Variants in RAP1GAP2 observed in about 807,000 individuals in gnomAD.
The protein encoded by RAP1GAP2 is rap1 GTPase-activating protein 2.
In RAP1GAP2, 27 loss-of-function variants were observed where a neutral mutation model predicts 95.0. That is an observed-to-expected ratio of 0.28 (90% CI 0.21 to 0.39). The LOEUF (loss-of-function observed/expected upper bound fraction) is 0.39, where lower values mean the gene tolerates loss of function less well. Among genes scored for constraint, RAP1GAP2 ranks in the 10% least tolerant of loss-of-function variants. The pLI, the probability that RAP1GAP2 is intolerant of heterozygous loss-of-function variation, is 1.00. For synonymous variants in RAP1GAP2, 373 were observed against 380.9 expected (o/e 0.98, Z 0.24); for missense variants, 771 against 970.0 (o/e 0.79, Z 2.72).
At chr17:3,022,267 CAG>C (rs2046985633) in intron 19 of RAP1GAP2, among the ~76,000 whole-genome samples, 1 of 152,136 alleles carries the variant, frequency 6.6e-6, no homozygotes, top group Non-Finnish European at 1.5e-5. Flanking sequence ...CAAATAATAA[CAG>C]ATGTCAGGAT....
chr17:2,999,149 G>A (rs2046069460), intron 14 of RAP1GAP2, among the ~76,000 whole-genome samples: 1 of 152,194 alleles, frequency 6.6e-6, no homozygotes, highest in South Asian at 2.1e-4. Flanking sequence ...AGATGACAGC[G>A]AGACAGGGCA....
chr17:2,889,885 A>ATT lies in RAP1GAP2; in HGVS notation c.81-15398_81-15397insTT, dbSNP rs1356255749. Reference sequence around the variant, plus strand: ...TGTGTATATATATATATATATATATATATATTTTTTTTTTTTTTTGTAGAG... The same window carrying ATT: ...TGTGTATATATATATATATATATATATTTATATTTTTTTTTTTTTTTGTAGAG... On this transcript the variant is annotated intron_variant, in intron 2 of 24. Transcript: ENST00000254695. 4.0e-4 allele frequency among the ~76,000 whole-genome samples: 18 copies of ATT among 44,860 alleles called. 1 individual carries two copies. Among genetic ancestry groups the ATT allele is most frequent in the Middle Eastern group, 0.011 (1 of 92 alleles). The allele number at this position is 44,860 out of a possible 152,430, so 29.4% of individuals were successfully genotyped here. A position where few individuals can be genotyped will look rare whatever the true frequency, so the allele number is the denominator to read the frequency against.
At chr17:2,836,115 G>C (rs1042947421) in intron 2 of RAP1GAP2, among the ~76,000 whole-genome samples, 1 of 152,102 alleles carries the variant, frequency 6.6e-6, no homozygotes, top group African/African-American at 2.4e-5. Context: ...TCGCCTTCGG[G>C]GGGTGCTCCC....
intron 2 of RAP1GAP2, among the ~76,000 whole-genome samples, chr17:2,860,500 T>G (rs2072333565): frequency 6.6e-6 from 1 of 151,874 alleles, no homozygotes; most frequent in African/African-American, 2.4e-5. Flanking sequence ...CCTCTCTCCT[T>G]ATGGTGGCCA....
At chr17:2,980,483 T>C in intron 9 of RAP1GAP2, 118 bp downstream of exon 9, 1 of 1,023,934 alleles carries the variant, frequency 9.8e-7, no homozygotes, top group Non-Finnish European at 1.5e-6. Context: ...GGAGGCCACT[T>C]TACTCTTTGG....
intron 1 of RAP1GAP2, among the ~76,000 whole-genome samples, chr17:2,761,384 G>A (rs543167248): frequency 3.4e-4 from 52 of 151,460 alleles, no homozygotes; most frequent in Non-Finnish European, 6.5e-4. Context: ...CGTCCCCCGG[G>A]TTCAAGCGAT....
chr17:2,782,010 G>A (rs1280619707), intron 1 of RAP1GAP2, among the ~76,000 whole-genome samples: 2 of 152,218 alleles, frequency 1.3e-5, no homozygotes, highest in Admixed American at 6.5e-5. Context: ...ACTTTCTCTG[G>A]ATATGTGTGC....
At chr17:2,983,304 G>A (rs1056831481) in intron 10 of RAP1GAP2, among the ~76,000 whole-genome samples, 1 of 151,862 alleles carries the variant, frequency 6.6e-6, no homozygotes, top group African/African-American at 2.4e-5. Context: ...ACCAGAAAGT[G>A]TGCCACGGTA....
chr17:2,983,528 A>G (rs2045450393), intron 10 of RAP1GAP2, among the ~76,000 whole-genome samples: 1 of 152,260 alleles, frequency 6.6e-6, no homozygotes, highest in Non-Finnish European at 1.5e-5. Context: ...TAATTACTTC[A>G]TTGAAGTTAA....
At chr17:2,890,937 C>T (rs188670166) in intron 2 of RAP1GAP2, among the ~76,000 whole-genome samples, 25 of 152,138 alleles carry the variant, frequency 1.6e-4, no homozygotes, top group African/African-American at 4.3e-4. Flanking sequence ...CTGCCCACCT[C>T]GGCCTCCCAA....
chr17:2,911,157 T>C (rs2042365363), intron 3 of RAP1GAP2, among the ~76,000 whole-genome samples: 1 of 151,522 alleles, frequency 6.6e-6, no homozygotes, highest in African/African-American at 2.4e-5. Flanking sequence ...AGCCTGAGAG[T>C]CTCTGCCGCG....
At chr17:2,875,948 T>G (rs11657178) in intron 2 of RAP1GAP2, among the ~76,000 whole-genome samples, 14,204 of 150,188 alleles carry the variant, frequency 0.095, 792 homozygotes, top group African/African-American at 0.16. Flanking sequence ...TTGTTTGTTT[T>G]TTTTTTTGAG....
At chr17:2,804,482 G>A (rs1445286317) in intron 2 of RAP1GAP2, among the ~76,000 whole-genome samples, 2 of 152,158 alleles carry the variant, frequency 1.3e-5, no homozygotes, top group Non-Finnish European at 2.9e-5. Context: ...TTTTGTGTGT[G>A]GAGCTGAGTG....
chr17:2,977,746 TAA>T (rs35219186), intron 8 of RAP1GAP2, among the ~76,000 whole-genome samples: 26,396 of 75,462 alleles, frequency 0.35, 3,257 homozygotes, highest in Non-Finnish European at 0.38. Context: ...GACTCCGTCT[TAA>T]AAAAAAAAAA....
chr17:2,787,720 G>A (rs758235510), intron 1 of RAP1GAP2, among the ~76,000 whole-genome samples: 6 of 151,884 alleles, frequency 4.0e-5, no homozygotes, highest in African/African-American at 9.7e-5. Flanking sequence ...GGCGCATGCC[G>A]CCACACCTGG....
At chr17:2,926,199 T>G (rs1243709379) in intron 3 of RAP1GAP2, among the ~76,000 whole-genome samples, 1 of 151,342 alleles carries the variant, frequency 6.6e-6, no homozygotes, top group African/African-American at 2.4e-5. Context: ...GAGCTTAGTG[T>G]TACTCATGGA....
At position 2,965,502 on chromosome 17, in the gene RAP1GAP2, C is replaced by A; in HGVS notation, c.493-38C>A. 6.6e-7 allele frequency: 1 copy of A among 1,505,338 alleles called. No homozygotes were observed. Among genetic ancestry groups the A allele is most frequent in the South Asian group, 1.2e-5 (1 of 84,160 alleles). The allele number at this position is 1,505,338 out of a possible 1,614,324, so 93.2% of individuals were successfully genotyped here. A position where few individuals can be genotyped will look rare whatever the true frequency, so the allele number is the denominator to read the frequency against. ...TAGGGGGAACATACCTGGAAGGTTT[C>A]TTCCTCCTTCCTGCTCACACTCAGT... On this transcript the variant is annotated intron_variant, in intron 7 of 24. Coordinates refer to ENST00000254695, the MANE Select transcript of RAP1GAP2 (RefSeq NM_015085.5). This position sits in a 1 kb window ranked among gnomAD's most constrained non-coding sequence, Gnocchi z 4.7.
intron 3 of RAP1GAP2, among the ~76,000 whole-genome samples, chr17:2,919,244 C>G (rs922303527): frequency 1.3e-5 from 2 of 152,212 alleles, no homozygotes; most frequent in African/African-American, 2.4e-5. Flanking sequence ...TGAGCCAGAC[C>G]TGGAGGAAGG....
intron 3 of RAP1GAP2, among the ~76,000 whole-genome samples, chr17:2,947,442 C>G (rs1227313511): frequency 1.3e-5 from 2 of 152,102 alleles, no homozygotes; most frequent in Non-Finnish European, 2.9e-5. Flanking sequence ...CTAGCCATCC[C>G]AACAAGCCCG....
Sources: allele counts gnomAD v4.1 joint callset (sites outside exome capture counted in the v4.1 genomes callset), GRCh38; gene constraint gnomAD v4.1.1; non-coding constraint Gnocchi (gnomAD v3.1); transcripts MANE v1.5; gene names NCBI Gene and HGNC (gene_info 2026-07-23, HGNC 2026-07-21).